Variants in FAIM2 observed in about 807,000 individuals in gnomAD.
The protein encoded by FAIM2 is Fas apoptotic inhibitory molecule 2, also known as protein lifeguard 2.
FAIM2 carries 27 observed loss-of-function variants against 47.4 expected under a neutral mutation model. That is an observed-to-expected ratio of 0.57 (90% CI 0.42 to 0.78). The LOEUF (loss-of-function observed/expected upper bound fraction) is 0.78. Among genes scored for constraint, FAIM2 ranks in the 30% least tolerant of loss-of-function variants. The pLI is 0.00. For missense variants in FAIM2, 311 were observed against 389.4 expected (o/e 0.80, Z 1.69); for synonymous variants, 156 against 159.3 (o/e 0.98, Z 0.16).
Position 49,897,740 on chromosome 12 carries a change from C to G in FAIM2, c.316-157G>C. 1.7e-5 allele frequency: 11 copies of G among 651,140 alleles called. No homozygotes were observed. In the South Asian group the frequency reaches 2.1e-4, roughly 12 times the overall value. The allele number at this position is 651,140 out of a possible 1,614,324, so 40.3% of individuals were successfully genotyped here. On this transcript the variant is annotated intron_variant, in intron 3 of 11. Transcript: ENST00000320634. ...AACCCAGGGCAAGGCGAAAGGAAAG[C>G]AAAGATGCTGCAGAGCCAAGCGCAC...
chr12:49,877,856 A>G (rs1946748243), intron 11 of FAIM2, among the ~76,000 whole-genome samples: 1 of 150,958 alleles, frequency 6.6e-6, no homozygotes, highest in Non-Finnish European at 1.5e-5. Flanking sequence ...AGGTGTGTGC[A>G]TGTGTGTGTG....
chr12:49,878,392 G>GTGTGTGCATGTGTA lies in FAIM2; in HGVS notation c.802-7740_802-7739insTACACATGCACACA, dbSNP rs142129827. On this transcript the variant is annotated intron_variant, in intron 11 of 11. Transcript: ENST00000320634. The stretch of plus-strand genomic sequence containing the variant: ...TGGGCATGTGCATGTGTGTATATGT[G>GTGTGTGCATGTGTA]TGTGTCTGTGTGCATGTGAGTGTAT... Among the ~76,000 whole-genome samples the GTGTGTGCATGTGTA allele has an allele frequency of 6.0e-3, 753 of 125,236 alleles. 118 individuals are homozygous for GTGTGTGCATGTGTA. The highest frequency in any genetic ancestry group is 0.023 in the African/African-American group (718 of 31,698). 82.2% of individuals were successfully genotyped at this position (125,236 alleles called of 152,430 possible).
chr12:49,890,170 G>A lies in FAIM2; in HGVS notation c.526-16C>T, dbSNP rs772014136. The A allele has an allele frequency of 1.2e-5, 19 of 1,613,872 alleles. No homozygotes were observed. Among genetic ancestry groups the A allele is most frequent in the Non-Finnish European group, 1.4e-5 (16 of 1,179,870 alleles). ...TGGACAGGGTCTGAAAGGAGAAGCA[G>A]GGTAAAGGAATGTTCCAAACTCAGA... On this transcript the variant is annotated splice_polypyrimidine_tract_variant and intron_variant, in intron 7 of 11. Coordinates refer to ENST00000320634, the MANE Select transcript of FAIM2 (RefSeq NM_012306.4).
At chr12:49,900,810 TAGG>T (rs1565621113) in intron 2 of FAIM2, among the ~76,000 whole-genome samples, 2 of 152,148 alleles carry the variant, frequency 1.3e-5, no homozygotes, top group African/African-American at 2.4e-5. Context: ...CTCTTTTTTC[TAGG>T]AGTTCTTTCT....
intron 11 of FAIM2, among the ~76,000 whole-genome samples, chr12:49,883,372 C>A (rs535065821): frequency 6.6e-6 from 1 of 150,672 alleles, no homozygotes; most frequent in Admixed American, 6.6e-5. Flanking sequence ...GAGTGGGGGC[C>A]ACAGCATTGA....
intron 11 of FAIM2, 55 bp downstream of exon 11, chr12:49,887,331 G>C: frequency 6.7e-7 from 1 of 1,493,810 alleles, no homozygotes; most frequent in Non-Finnish European, 9.2e-7. Flanking sequence ...AAGGGGACTG[G>C]GGTGATGGTC....
intron 11 of FAIM2, among the ~76,000 whole-genome samples, chr12:49,879,782 G>T (rs1475257704): frequency 6.6e-6 from 1 of 151,486 alleles, no homozygotes; most frequent in Non-Finnish European, 1.5e-5. Flanking sequence ...GTATATATGT[G>T]CATGTGTGTA....
chr12:49,880,693 CATGT>C (rs1006933783), intron 11 of FAIM2, among the ~76,000 whole-genome samples: 2 of 140,538 alleles, frequency 1.4e-5, no homozygotes, highest in Non-Finnish European at 3.1e-5. Flanking sequence ...CATGTGTATG[CATGT>C]GAGTCCATGT....
chr12:49,891,964 C>T (rs1946903098), intron 5 of FAIM2, among the ~76,000 whole-genome samples: 1 of 152,116 alleles, frequency 6.6e-6, no homozygotes. Flanking sequence ...CCTAGGTTAG[C>T]GGTGCCACCA....
Position 49,870,329 on chromosome 12 carries a change from TCC to T in FAIM2, c.*173_*174del. On this transcript the variant is annotated 3_prime_UTR_variant, in exon 12 of 12. Transcript: ENST00000320634. The stretch of plus-strand genomic sequence containing the variant: ...TTGACGTGGCCTCAGTTCCTCAGGG[TCC>T]CCATGGCGTATGTACAAGCGGCAGA... 1 of 596,080 alleles carries T rather than the reference TCC, an allele frequency of 1.7e-6. No homozygotes were observed. Among genetic ancestry groups the T allele is most frequent in the South Asian group, 2.2e-5 (1 of 46,220 alleles). The allele number at this position is 596,080 out of a possible 1,614,324, so 36.9% of individuals were successfully genotyped here.
intron 11 of FAIM2, among the ~76,000 whole-genome samples, chr12:49,880,225 C>T (rs1246366249): frequency 3.2e-5 from 4 of 124,018 alleles, no homozygotes; most frequent in African/African-American, 9.6e-5. Context: ...TGTATATGTG[C>T]ATGCATGTGT....
intron 11 of FAIM2, among the ~76,000 whole-genome samples, chr12:49,884,210 C>A (rs897582644): frequency 9.4e-5 from 13 of 138,604 alleles, no homozygotes; most frequent in African/African-American, 3.4e-4. Flanking sequence ...GGCGACACAG[C>A]CAGACTCCGT....
intron 8 of FAIM2, 94 bp from the exon 9 acceptor site, chr12:49,889,662 T>A: frequency 9.6e-7 from 1 of 1,043,834 alleles, no homozygotes; most frequent in Non-Finnish European, 1.5e-6. Flanking sequence ...CAGGACCTGG[T>A]CTTGGGATCC....
chr12:49,871,397 A>G (rs893968199), intron 11 of FAIM2, among the ~76,000 whole-genome samples: 4 of 152,136 alleles, frequency 2.6e-5, no homozygotes, highest in African/African-American at 4.8e-5. Flanking sequence ...GCTTGGCCTA[A>G]TGGACTAGGA....
At position 49,891,118 on chromosome 12, in the gene FAIM2, TGA is replaced by T. The variant is rs1465110793; in HGVS notation, c.435-6_435-5del. The T allele has an allele frequency of 6.2e-7, 1 of 1,614,058 alleles. No homozygotes were observed. The highest frequency in any genetic ancestry group is 8.5e-7 in the Non-Finnish European group (1 of 1,179,918). ...GTAGGTTGCAAAGAACACAGCACTG[TGA>T]GAGACAGATGGATAGGTGAGTCAGC... On this transcript the variant is annotated splice_region_variant and splice_polypyrimidine_tract_variant and intron_variant, in intron 5 of 11. Coordinates refer to ENST00000320634, the MANE Select transcript of FAIM2 (RefSeq NM_012306.4).
chr12:49,867,177 A>T lies in FAIM2; in HGVS notation c.*3327T>A, dbSNP rs1334255962. 1 of 152,310 alleles carries T rather than the reference A, an allele frequency of 6.6e-6. No homozygotes were observed. Among genetic ancestry groups the T allele is most frequent in the Admixed American group, 6.5e-5 (1 of 15,276 alleles). 9.4% of individuals were successfully genotyped at this position (152,310 alleles called of 1,614,324 possible). On this transcript the variant is annotated 3_prime_UTR_variant, in exon 12 of 12. Coordinates refer to ENST00000320634, the MANE Select transcript of FAIM2 (RefSeq NM_012306.4). ...AAGAAAACAGCGGTGGCTGATGAGA[A>T]GACAGGTCTGGGGAGGTCTGAGGAG...
Position 49,874,817 on chromosome 12 carries a change from A to G in FAIM2, c.802-4164T>C, listed in dbSNP as rs540055891. Among the ~76,000 whole-genome samples, 19 of 152,336 alleles carry G rather than the reference A, an allele frequency of 1.2e-4. No homozygotes were observed. The South Asian group carries it at 2.3e-3, about 18-fold the overall frequency. ...TGTTGTTTACAGCATTGGTTCTAAC[A>G]GTGAGATGCTGAAACAACCCAAACT... On this transcript the variant is annotated intron_variant, in intron 11 of 11. Coordinates refer to ENST00000320634, the MANE Select transcript of FAIM2 (RefSeq NM_012306.4). The surrounding 1 kb of genome is among the most constrained non-coding windows in gnomAD (Gnocchi z 4.2).
At position 49,884,645 on chromosome 12, in the gene FAIM2, G is replaced by C. The variant is rs1184577589; in HGVS notation, c.801+2741C>G. 2.0e-5 allele frequency among the ~76,000 whole-genome samples: 3 copies of C among 152,298 alleles called. No homozygotes were observed. The East Asian group carries it at 5.8e-4, about 29-fold the overall frequency. On this transcript the variant is annotated intron_variant, in intron 11 of 11. Coordinates refer to ENST00000320634, the MANE Select transcript of FAIM2 (RefSeq NM_012306.4). The stretch of plus-strand genomic sequence containing the variant: ...CACCAGGCTGGGCACAGGACACCTG[G>C]GTCTTGGTCCTCAATCTGCCTGTTA...
chr12:49,868,867 C>G lies in FAIM2; in HGVS notation c.*1637G>C, dbSNP rs1946682195. ...CACCCGCCAGTTCTTGGCTCCTTTT[C>G]TCTTCAAATATCCAAGATGGAACAA... On this transcript the variant is annotated 3_prime_UTR_variant, in exon 12 of 12. Coordinates refer to ENST00000320634, the MANE Select transcript of FAIM2 (RefSeq NM_012306.4). 6.6e-6 allele frequency: 1 copy of G among 152,298 alleles called. No homozygotes were observed. Among genetic ancestry groups the G allele is most frequent in the South Asian group, 2.1e-4 (1 of 4,830 alleles). 9.4% of individuals were successfully genotyped at this position (152,298 alleles called of 1,614,324 possible). A position where few individuals can be genotyped will look rare whatever the true frequency, so the allele number is the denominator to read the frequency against.
Sources: allele counts gnomAD v4.1 joint callset (sites outside exome capture counted in the v4.1 genomes callset), GRCh38; gene constraint gnomAD v4.1.1; non-coding constraint Gnocchi (gnomAD v3.1); transcripts MANE v1.5; gene names NCBI Gene and HGNC (gene_info 2026-07-23, HGNC 2026-07-21).